Variants in MAPK10 observed in about 807,000 individuals in gnomAD.
MAPK10 encodes the protein JNK3 alpha protein kinase.
In MAPK10, 25 loss-of-function variants were observed where a neutral mutation model predicts 59.3. The observed-to-expected ratio is 0.42, with a 90% CI of 0.31 to 0.59. MAPK10 has a LOEUF of 0.59. Ranked by LOEUF, MAPK10 falls within the 20% of genes least tolerant of loss-of-function variation. MAPK10 has a pLI of 0.15. For synonymous variants in MAPK10, 190 were observed against 200.5 expected (o/e 0.95, Z 0.44); for missense variants, 351 against 568.9 (o/e 0.62, Z 3.90).
At chr4:86,574,940 G>T (rs991196554) in intron 1 of MAPK10, among the ~76,000 whole-genome samples, 1 of 152,126 alleles carries the variant, frequency 6.6e-6, no homozygotes, top group African/African-American at 2.4e-5. Context: ...TTGTGCCAAA[G>T]TGTGCACAAA....
At position 86,017,568 on chromosome 4, in the gene MAPK10, T is replaced by A. The variant is rs147736557; in HGVS notation, c.1253-198A>T. On this transcript the variant is annotated intron_variant, in intron 13 of 13. Coordinates refer to ENST00000641462, the MANE Select transcript of MAPK10 (RefSeq NM_138982.4). The surrounding 1 kb of genome is among the most constrained non-coding windows in gnomAD (Gnocchi z 4.4). ...AGACATAGCAATAAAAAGTCCTTCA[T>A]CACAAGTTATCAAATCTCACTCTAT... Among the ~76,000 whole-genome samples, 644 of 152,256 alleles carry A rather than the reference T, an allele frequency of 4.2e-3. 3 individuals carry two copies. Among genetic ancestry groups the A allele is most frequent in the African/African-American group, 0.015 (612 of 41,532 alleles).
At chr4:86,461,830 G>T (rs112483638) in intron 1 of MAPK10, among the ~76,000 whole-genome samples, 1 of 152,098 alleles carries the variant, frequency 6.6e-6, no homozygotes, top group Non-Finnish European at 1.5e-5. Context: ...GTAACTGTTC[G>T]AGCAGCACCT....
intron 2 of MAPK10, among the ~76,000 whole-genome samples, chr4:86,337,139 G>A (rs887802763): frequency 6.6e-6 from 1 of 152,040 alleles, no homozygotes; most frequent in Non-Finnish European, 1.5e-5. Flanking sequence ...AGCTAGAACA[G>A]GACCTAGCAC....
intron 2 of MAPK10, among the ~76,000 whole-genome samples, chr4:86,325,153 TA>T (rs540300808): frequency 6.4e-4 from 98 of 151,950 alleles, no homozygotes; most frequent in African/African-American, 2.3e-3. Flanking sequence ...AAAATACTCA[TA>T]AAAAAAATAA....
chr4:86,157,680 T>C (rs138185019), intron 4 of MAPK10, among the ~76,000 whole-genome samples: 1,742 of 152,084 alleles, frequency 0.011, 34 homozygotes, highest in African/African-American at 0.04. Context: ...TATCTATATC[T>C]AAGCCAAAGA....
intron 4 of MAPK10, among the ~76,000 whole-genome samples, chr4:86,116,690 A>G (rs1348135181): frequency 6.6e-6 from 1 of 152,206 alleles, no homozygotes; most frequent in Non-Finnish European, 1.5e-5. Flanking sequence ...CCTCAAAGCA[A>G]TTTTAGGTAT....
At chr4:86,247,419 A>G (rs1207776239) in intron 2 of MAPK10, among the ~76,000 whole-genome samples, 2 of 152,168 alleles carry the variant, frequency 1.3e-5, no homozygotes, top group African/African-American at 4.8e-5. Flanking sequence ...GTTAACTCCC[A>G]TTGAATCTTT....
chr4:86,220,045 G>A (rs1362322846), intron 2 of MAPK10: 1 of 152,052 alleles, frequency 6.6e-6, no homozygotes, highest in Non-Finnish European at 1.5e-5. Context: ...TCCAATTTAA[G>A]TAAGTTATGA....
At chr4:86,138,692 T>C (rs1208016924) in intron 4 of MAPK10, among the ~76,000 whole-genome samples, 15 of 150,836 alleles carry the variant, frequency 9.9e-5, no homozygotes, top group Admixed American at 8.6e-4. Flanking sequence ...CCAGGGCAAT[T>C]AGGCAGGAGA....
chr4:86,380,328 C>A (rs1262623548), intron 1 of MAPK10, among the ~76,000 whole-genome samples: 2 of 152,218 alleles, frequency 1.3e-5, no homozygotes, highest in Admixed American at 1.3e-4. Context: ...ACAGTTGCCA[C>A]CCTCTTTGCA....
chr4:86,467,274 T>C (rs1307599029), intron 1 of MAPK10, among the ~76,000 whole-genome samples: 8 of 152,198 alleles, frequency 5.3e-5, no homozygotes, highest in Non-Finnish European at 1.5e-5. Context: ...ATTCTTAAAT[T>C]GTCCAGTTTT....
At chr4:86,488,627 G>A (rs1382856708) in intron 1 of MAPK10, among the ~76,000 whole-genome samples, 1 of 151,936 alleles carries the variant, frequency 6.6e-6, no homozygotes, top group Non-Finnish European at 1.5e-5. Context: ...GCTAACTGTG[G>A]TTTCTGAATC....
chr4:86,137,232 AT>A (rs1374249163), intron 4 of MAPK10, among the ~76,000 whole-genome samples: 2 of 151,794 alleles, frequency 1.3e-5, no homozygotes, highest in African/African-American at 2.4e-5. Flanking sequence ...CAGAATATAC[AT>A]TTTTTCAGCA....
chr4:86,334,660 A>G (rs1719971014), intron 2 of MAPK10, among the ~76,000 whole-genome samples: 1 of 151,640 alleles, frequency 6.6e-6, no homozygotes, highest in Admixed American at 6.6e-5. Flanking sequence ...AAACCTCCCC[A>G]CTTCATCTGA....
At chr4:86,244,259 C>A (rs539102550) in intron 2 of MAPK10, among the ~76,000 whole-genome samples, 10 of 151,768 alleles carry the variant, frequency 6.6e-5, no homozygotes, top group Admixed American at 3.3e-4. Flanking sequence ...CGAAAACACT[C>A]AAAAAAAATC....
At chr4:86,532,532 C>T (rs757166886) in intron 1 of MAPK10, among the ~76,000 whole-genome samples, 2 of 152,220 alleles carry the variant, frequency 1.3e-5, no homozygotes, top group Non-Finnish European at 1.5e-5. Flanking sequence ...TCGGTCCTAA[C>T]GCCACCTCCT....
intron 1 of MAPK10, among the ~76,000 whole-genome samples, chr4:86,518,321 C>T (rs1254708968): frequency 6.6e-6 from 1 of 152,196 alleles, no homozygotes; most frequent in Non-Finnish European, 1.5e-5. Flanking sequence ...CCACACCTGG[C>T]CTCTTTCTGG....
At chr4:86,329,172 C>A (rs1410099663) in intron 2 of MAPK10, among the ~76,000 whole-genome samples, 1 of 152,100 alleles carries the variant, frequency 6.6e-6, no homozygotes, top group Non-Finnish European at 1.5e-5. Context: ...AAAAAATAAA[C>A]TTCTGTGCTT....
intron 2 of MAPK10, among the ~76,000 whole-genome samples, chr4:86,273,190 G>A (rs539842173): frequency 9.3e-4 from 141 of 151,352 alleles, no homozygotes; most frequent in African/African-American, 3.4e-3. Flanking sequence ...AAATCACAAA[G>A]TCTAACGTAA....
Sources: gnomAD v4.1 joint callset for allele counts (sites outside exome capture counted in the v4.1 genomes callset) on GRCh38, gnomAD v4.1.1 for gene constraint, Gnocchi (gnomAD v3.1) non-coding constraint, MANE v1.5 for transcripts, NCBI Gene and HGNC (gene_info 2026-07-23, HGNC 2026-07-21) for gene names.